Variants in KCND2 observed in about 807,000 individuals in gnomAD.
KCND2 encodes the protein potassium voltage-gated channel subfamily D member 2, also known as A-type voltage-gated potassium channel KCND2.
A neutral mutation model predicts 54.4 loss-of-function variants in KCND2; 16 were observed. That is an observed-to-expected ratio of 0.29 (90% CI 0.20 to 0.45). The LOEUF is 0.45. KCND2 is among the 20% of genes least tolerant of loss of function. The pLI, the probability that KCND2 is intolerant of heterozygous loss-of-function variation, is 1.00. For missense variants in KCND2, 486 were observed against 824.2 expected (o/e 0.59, Z 5.02); for synonymous variants, 317 against 310.7 (o/e 1.02, Z -0.21).
chr7:120,290,927 CAGAAAAATGA>C (rs112051033), intron 1 of KCND2, among the ~76,000 whole-genome samples: 6 of 151,842 alleles, frequency 4.0e-5, no homozygotes, highest in African/African-American at 1.2e-4. Flanking sequence ...ATCTCAGTGG[CAGAAAAATGA>C]AGAGTGTATT....
intron 2 of KCND2, among the ~76,000 whole-genome samples, chr7:120,738,484 C>T (rs908996175): frequency 3.3e-5 from 5 of 151,976 alleles, no homozygotes; most frequent in African/African-American, 1.2e-4. Context: ...ATACCATCAC[C>T]ATTTAAGGCA....
intron 1 of KCND2, among the ~76,000 whole-genome samples, chr7:120,612,498 T>A (rs923178980): frequency 1.8e-4 from 28 of 152,374 alleles, no homozygotes; most frequent in East Asian, 9.6e-4. Flanking sequence ...CATGTCTGTT[T>A]TACTGCATTT....
intron 1 of KCND2, among the ~76,000 whole-genome samples, chr7:120,504,136 G>A (rs1367942747): frequency 6.6e-6 from 1 of 151,798 alleles, no homozygotes; most frequent in Non-Finnish European, 1.5e-5. Flanking sequence ...ACTCTTTTTG[G>A]TATGCACAAA....
intron 1 of KCND2, among the ~76,000 whole-genome samples, chr7:120,536,095 A>G (rs768717712): frequency 2.6e-5 from 4 of 152,196 alleles, no homozygotes; most frequent in South Asian, 2.1e-4. Context: ...AGTTCCACAC[A>G]ACCACAATAA....
chr7:120,649,875 A>G (rs1791704403), intron 1 of KCND2, among the ~76,000 whole-genome samples: 2 of 152,158 alleles, frequency 1.3e-5, no homozygotes, highest in Admixed American at 1.3e-4. Flanking sequence ...TCACTTAATA[A>G]GCTTAGTTTG....
intron 1 of KCND2, among the ~76,000 whole-genome samples, chr7:120,384,489 C>T (rs1023659272): frequency 9.2e-5 from 14 of 152,140 alleles, no homozygotes; most frequent in Non-Finnish European, 2.1e-4. Flanking sequence ...GCTCCTACCC[C>T]TGAATAATAT....
At chr7:120,481,111 G>C (rs888201383) in intron 1 of KCND2, among the ~76,000 whole-genome samples, 1 of 152,232 alleles carries the variant, frequency 6.6e-6, no homozygotes, top group Non-Finnish European at 1.5e-5. Flanking sequence ...GTCTGAGAAG[G>C]CCTCAGATGG....
intron 1 of KCND2, among the ~76,000 whole-genome samples, chr7:120,310,463 A>G (rs948396903): frequency 1.3e-5 from 2 of 152,204 alleles, no homozygotes; most frequent in Non-Finnish European, 2.9e-5. Context: ...TCTGTCAACT[A>G]TAATTTGCAA....
intron 1 of KCND2, among the ~76,000 whole-genome samples, chr7:120,468,644 G>A (rs73435851): frequency 0.023 from 3,471 of 152,114 alleles, 128 homozygotes; most frequent in African/African-American, 0.073. Context: ...AAAGGCCATA[G>A]CAACAACAAG....
intron 1 of KCND2, among the ~76,000 whole-genome samples, chr7:120,687,090 A>G (rs1792211633): frequency 6.6e-6 from 1 of 152,006 alleles, no homozygotes. Flanking sequence ...CTATAACACT[A>G]CCATATGCAA....
intron 1 of KCND2, among the ~76,000 whole-genome samples, chr7:120,331,628 T>G (rs558877056): frequency 6.6e-6 from 1 of 152,196 alleles, no homozygotes; most frequent in South Asian, 2.1e-4. Flanking sequence ...TTTGTTTGTG[T>G]TAGTTTTCAT....
At chr7:120,578,298 T>C (rs1367293472) in intron 1 of KCND2, among the ~76,000 whole-genome samples, 2 of 151,430 alleles carry the variant, frequency 1.3e-5, no homozygotes, top group African/African-American at 2.4e-5. Flanking sequence ...AAGAAAAAAA[T>C]AATAATAATA....
At chr7:120,446,143 A>G (rs1233989762) in intron 1 of KCND2, among the ~76,000 whole-genome samples, 1 of 152,060 alleles carries the variant, frequency 6.6e-6, no homozygotes, top group Non-Finnish European at 1.5e-5. Context: ...TGTCTTTTTT[A>G]TCTGAGGAGC....
At chr7:120,653,777 G>A (rs796628974) in intron 1 of KCND2, among the ~76,000 whole-genome samples, 1 of 152,306 alleles carries the variant, frequency 6.6e-6, no homozygotes, top group African/African-American at 2.4e-5. Context: ...CAAAATTTGA[G>A]TTCCTGATCT....
intron 2 of KCND2, among the ~76,000 whole-genome samples, chr7:120,741,047 T>TA (rs74914740): frequency 1.3e-3 from 174 of 136,612 alleles, no homozygotes; most frequent in East Asian, 2.3e-3. Flanking sequence ...TAATGATTCT[T>TA]AAAAAAAAAA....
intron 1 of KCND2, among the ~76,000 whole-genome samples, chr7:120,595,892 A>G (rs1368795352): frequency 6.6e-6 from 1 of 151,160 alleles, no homozygotes; most frequent in Non-Finnish European, 1.5e-5. Flanking sequence ...AGCGGAAAGG[A>G]GGGAGGGAGG....
At chr7:120,368,337 G>T (rs189155270) in intron 1 of KCND2, among the ~76,000 whole-genome samples, 1 of 151,828 alleles carries the variant, frequency 6.6e-6, no homozygotes, top group East Asian at 1.9e-4. Flanking sequence ...GGGTTTTAAG[G>T]TATTTCTTGA....
At chr7:120,416,039 T>C (rs1013700311) in intron 1 of KCND2, among the ~76,000 whole-genome samples, 3 of 152,188 alleles carry the variant, frequency 2.0e-5, no homozygotes, top group Admixed American at 2.0e-4. Flanking sequence ...TCCACATTTC[T>C]ACCATTATGA....
intron 1 of KCND2, among the ~76,000 whole-genome samples, chr7:120,383,643 C>T (rs550894764): frequency 8.5e-4 from 129 of 152,140 alleles, no homozygotes; most frequent in Middle Eastern, 3.4e-3. Flanking sequence ...ATTTGATCCA[C>T]GTTCAATGTG....
Sources: gnomAD v4.1 joint callset for allele counts (sites outside exome capture counted in the v4.1 genomes callset) on GRCh38, gnomAD v4.1.1 for gene constraint, MANE v1.5 for transcripts, NCBI Gene and HGNC (gene_info 2026-07-23, HGNC 2026-07-21) for gene names.